The following IQANK1 variants were observed in gnomAD, a reference collection of about 807,000 sequenced individuals.
IQANK1 encodes IQ motif and ankyrin repeat containing 1.
In IQANK1, 30 loss-of-function variants were observed where a neutral mutation model predicts 22.6. That is an observed-to-expected ratio of 1.33 (90% CI 0.99 to 1.80). The LOEUF (loss-of-function observed/expected upper bound fraction) is 1.80, where lower values mean the gene tolerates loss of function less well. Ranked by LOEUF, IQANK1 falls within the 40% of genes most tolerant of loss-of-function variation. The pLI is 0.00. For missense variants in IQANK1, 275 were observed against 235.2 expected, an observed-to-expected ratio of 1.17 and a Z score of -1.11; for synonymous variants, 122 against 99.6, an observed-to-expected ratio of 1.23 and a Z score of -1.34.
At position 143,748,005 on chromosome 8, in the gene IQANK1, T is replaced by TTTTCC. The variant is rs1337814152; in HGVS notation, c.175+8061_175+8062insCTTTC. On this transcript the variant is annotated intron_variant, in intron 3 of 13. Coordinates refer to ENST00000527139, the MANE Select transcript of IQANK1 (RefSeq NM_001381874.1). ...TTTCCCTTTCCTTTCTTTTCCTTTCTTTTCTTTTCTTAGGGTTTCACTCCT... is the reference window on the plus strand; with the variant it reads ...TTTCCCTTTCCTTTCTTTTCCTTTCTTTTCCTTTCTTTTCTTAGGGTTTCACTCCT... Among the ~76,000 whole-genome samples the TTTTCC allele has an allele frequency of 2.0e-5, 3 of 147,446 alleles. No individual in the cohort carries two copies. The Admixed American group carries it at 2.1e-4, about 10-fold the overall frequency.
chr8:143,742,584 G>T (rs782582963), intron 3 of IQANK1: 5 of 455,998 alleles, frequency 1.1e-5, no homozygotes, highest in Non-Finnish European at 2.2e-5. Context: ...GTGATGTGGA[G>T]CTGGGAAACC....
chr8:143,751,662 G>GTATATATATATATATATATATATA lies in IQANK1; in HGVS notation c.175+11715_175+11716insATATATATATATATATATATATAT, dbSNP rs1187068578. Among the ~76,000 whole-genome samples the GTATATATATATATATATATATATA allele has an allele frequency of 7.9e-3, 427 of 54,156 alleles. 6 individuals carry two copies. Among genetic ancestry groups the GTATATATATATATATATATATATA allele is most frequent in the Non-Finnish European group, 0.013 (295 of 23,096 alleles). The allele number at this position is 54,156 out of a possible 152,430, so 35.5% of individuals were successfully genotyped here. A position where few individuals can be genotyped will look rare whatever the true frequency, so the allele number is the denominator to read the frequency against. On this transcript the variant is annotated intron_variant, in intron 3 of 13. Transcript: ENST00000527139. Reference sequence around the variant, plus strand: ...TGTGTGTGTGTGTGTGTGTGTGTGTGTGTATATATATATATAAAATCCTAT... The same window carrying GTATATATATATATATATATATATA: ...TGTGTGTGTGTGTGTGTGTGTGTGTGTATATATATATATATATATATATATGTATATATATATATAAAATCCTAT...
chr8:143,774,651 C>T lies in IQANK1; in HGVS notation c.789+2169C>T, dbSNP rs759254605. Among the ~76,000 whole-genome samples, 2 of 152,198 alleles carry T rather than the reference C, an allele frequency of 1.3e-5. No homozygotes were observed. The highest frequency in any genetic ancestry group is 6.5e-5 in the Admixed American group (1 of 15,282). ...TGTAACACAGCATCAGACTCCTAGACATTTGCTCCAGTAAAAGGAAAACTA... is the reference window on the plus strand; with the variant it reads ...TGTAACACAGCATCAGACTCCTAGATATTTGCTCCAGTAAAAGGAAAACTA... On this transcript the variant is annotated intron_variant, in intron 7 of 13. Transcript: ENST00000527139. This position sits in a 1 kb window ranked among gnomAD's most constrained non-coding sequence, Gnocchi z 4.2.
intron 7 of IQANK1, among the ~76,000 whole-genome samples, chr8:143,784,935 G>A (rs1235627554): frequency 6.6e-6 from 1 of 152,106 alleles, no homozygotes; most frequent in Non-Finnish European, 1.5e-5. Flanking sequence ...CTTTTGTTTT[G>A]AGTTTATTCT....
At chr8:143,745,677 C>T (rs1473224140) in intron 3 of IQANK1, 2 of 152,178 alleles carry the variant, frequency 1.3e-5, no homozygotes, top group African/African-American at 4.8e-5. Flanking sequence ...CCCTCAGCCT[C>T]CCAAAGTGCT....
intron 3 of IQANK1, among the ~76,000 whole-genome samples, chr8:143,770,479 C>G (rs1819551371): frequency 6.6e-6 from 1 of 152,250 alleles, no homozygotes; most frequent in Admixed American, 6.5e-5. Flanking sequence ...ACCCTGCCCC[C>G]GCTGGCTGCT....
chr8:143,752,996 GTT>G (rs34993930), intron 3 of IQANK1, among the ~76,000 whole-genome samples: 231 of 69,904 alleles, frequency 3.3e-3, no homozygotes, highest in East Asian at 0.02. Flanking sequence ...CTCTCTGTTC[GTT>G]TTTTTTTTTT....
In IQANK1 at chr8:143,735,877, C is replaced by G. The variant is rs2129737225; in HGVS notation, c.24C>G (p.Pro8=). The G allele has an allele frequency of 4.3e-6, 3 of 702,640 alleles. No homozygotes were observed. The East Asian group carries it at 8.0e-5, about 19-fold the overall frequency. 43.5% of individuals were successfully genotyped at this position (702,640 alleles called of 1,614,324 possible). A position where few individuals can be genotyped will look rare whatever the true frequency, so the allele number is the denominator to read the frequency against. The change falls in exon 2 of 14, where the codon CCC becomes CCG. Residue 8 remains proline, a synonymous_variant. Transcript: ENST00000527139. The surrounding 1 kb of genome is among the most constrained non-coding windows in gnomAD (Gnocchi z 5.2). ...GAATGGACAGTAAGAAGGGGAGACC[C>G]AAAGCTGCAGCTGGGAAGTGGCAGA... MDSKKGR[P]KAAAGKWQTL...
At chr8:143,763,076 G>A (rs1448480746) in intron 3 of IQANK1, among the ~76,000 whole-genome samples, 1 of 151,166 alleles carries the variant, frequency 6.6e-6, no homozygotes, top group Non-Finnish European at 1.5e-5. Flanking sequence ...GAGTGCAGTG[G>A]TGCGATCTCA....
intron 3 of IQANK1, among the ~76,000 whole-genome samples, chr8:143,756,253 T>C (rs564958310): frequency 3.9e-5 from 6 of 152,268 alleles, no homozygotes; most frequent in Non-Finnish European, 7.4e-5. Flanking sequence ...CCCGACAAAG[T>C]GGACAACACA....
At position 143,741,877 on chromosome 8, in the gene IQANK1, G is replaced by A. The variant is rs146488075; in HGVS notation, c.175+1929G>A. 7.6e-3 allele frequency: 1,229 copies of A among 162,270 alleles called. 45 individuals carry two copies. Among genetic ancestry groups the A allele is most frequent in the Admixed American group, 0.061 (1,048 of 17,288 alleles). 10.1% of individuals were successfully genotyped at this position (162,270 alleles called of 1,614,324 possible). A position where few individuals can be genotyped will look rare whatever the true frequency, so the allele number is the denominator to read the frequency against. On this transcript the variant is annotated intron_variant, in intron 3 of 13. Coordinates refer to ENST00000527139, the MANE Select transcript of IQANK1 (RefSeq NM_001381874.1). ...TGGCCTGCAGCCCTGCTCTCCCCAC[G>A]TCTGGTGATCTGTAAAGAGGGCTTG... is the stretch of plus-strand genomic sequence containing the variant.
chr8:143,734,606 C>G (rs976437551), intron 1 of IQANK1, among the ~76,000 whole-genome samples: 6 of 151,806 alleles, frequency 4.0e-5, no homozygotes, highest in African/African-American at 1.5e-4. Flanking sequence ...CAGTCACCCA[C>G]GAACACGCTG....
chr8:143,770,240 G>C (rs1439817148), intron 3 of IQANK1, among the ~76,000 whole-genome samples: 1 of 152,214 alleles, frequency 6.6e-6, no homozygotes, highest in African/African-American at 2.4e-5. Flanking sequence ...CATGCCCTTT[G>C]TTTTCTGGGA....
At chr8:143,775,337 CACACACACACACACACAG>C (rs782356469) in intron 7 of IQANK1, among the ~76,000 whole-genome samples, 3 of 147,764 alleles carry the variant, frequency 2.0e-5, no homozygotes, top group Non-Finnish European at 4.5e-5. Context: ...AGGCATGCTA[CACACACACACACACACAG>C]ACACACACAC....
At chr8:143,750,944 T>TTG (rs56002701) in intron 3 of IQANK1, among the ~76,000 whole-genome samples, 313 of 149,500 alleles carry the variant, frequency 2.1e-3, no homozygotes, top group African/African-American at 5.4e-3. Flanking sequence ...CTGTCTTCTT[T>TTG]TGTGTGTGTG....
At chr8:143,756,519 C>T (rs140739761) in intron 3 of IQANK1, among the ~76,000 whole-genome samples, 1,674 of 152,204 alleles carry the variant, frequency 0.011, 34 homozygotes, top group African/African-American at 0.037. Flanking sequence ...ATTCATGGTA[C>T]TCGGTGTACC....
chr8:143,736,141 ATTTTT>A (rs555506417), intron 2 of IQANK1, among the ~76,000 whole-genome samples: 1 of 137,054 alleles, frequency 7.3e-6, no homozygotes. Flanking sequence ...GCCTGAATCT[ATTTTT>A]TTTTTTTTTT....
chr8:143,742,564 G>T (rs1040889994), intron 3 of IQANK1: 2 of 455,990 alleles, frequency 4.4e-6, no homozygotes, highest in African/African-American at 4.0e-5. Flanking sequence ...CTGCTGGGCT[G>T]CCCAGGGGTG....
At chr8:143,765,223 G>T (rs1449626463) in intron 3 of IQANK1, among the ~76,000 whole-genome samples, 1 of 152,044 alleles carries the variant, frequency 6.6e-6, no homozygotes, top group Non-Finnish European at 1.5e-5. Context: ...CAGGCATGGT[G>T]GCGCACGCCT....
Sources: allele counts gnomAD v4.1 joint callset (sites outside exome capture counted in the v4.1 genomes callset), GRCh38; gene constraint gnomAD v4.1.1; non-coding constraint Gnocchi (gnomAD v3.1); transcripts MANE v1.5; gene names NCBI Gene and HGNC (gene_info 2026-07-23, HGNC 2026-07-21).